SMAD1: variants seen among roughly 807,000 people sequenced by gnomAD.
The protein encoded by SMAD1 is MAD, mothers against decapentaplegic homolog 1.
SMAD1 carries 6 observed loss-of-function variants against 41.6 expected under a neutral mutation model. The ratio of observed to expected loss-of-function variants is 0.14; its 90% CI spans 0.08 to 0.28. The LOEUF (loss-of-function observed/expected upper bound fraction) is 0.28, where lower values mean the gene tolerates loss of function less well. Ranked by LOEUF, SMAD1 falls within the 10% of genes least tolerant of loss-of-function variation. The pLI is 1.00. For missense variants in SMAD1, 379 were observed against 582.6 expected (o/e 0.65, Z 3.60); for synonymous variants, 206 against 203.2 (o/e 1.01, Z -0.12).
intron 5 of SMAD1, among the ~76,000 whole-genome samples, chr4:145,547,897 C>T (rs1176927480): frequency 8.1e-6 from 1 of 123,132 alleles, no homozygotes; most frequent in Admixed American, 7.4e-5. Context: ...AGTTTCTGAT[C>T]TGCCTGCTGA....
chr4:145,536,667 C>G (rs946922200), intron 2 of SMAD1, among the ~76,000 whole-genome samples: 3 of 152,120 alleles, frequency 2.0e-5, no homozygotes, highest in African/African-American at 7.2e-5. Flanking sequence ...AAATTCAGTT[C>G]ACAACCATTA....
Position 145,514,553 on chromosome 4 carries a change from T to G in SMAD1, c.-61T>G, listed in dbSNP as rs938117605. 6.9e-6 allele frequency: 10 copies of G among 1,438,932 alleles called. No individual in the cohort carries two copies. In the African/African-American group the frequency reaches 1.3e-4, roughly 18 times the overall value. The allele number at this position is 1,438,932 out of a possible 1,614,324, so 89.1% of individuals were successfully genotyped here. On this transcript the variant is annotated 5_prime_UTR_variant, in exon 2 of 7. Transcript: ENST00000302085. The surrounding 1 kb of genome is among the most constrained non-coding windows in gnomAD (Gnocchi z 4.7). ...AATAAACAAATCTCTTCTGCTGTCC[T>G]TTTGCATTTGGAGACAGCTTTATTT...
intron 1 of SMAD1, among the ~76,000 whole-genome samples, chr4:145,486,168 C>T (rs895379467): frequency 6.6e-6 from 1 of 152,174 alleles, no homozygotes; most frequent in Non-Finnish European, 1.5e-5. Flanking sequence ...GGGCTATCTT[C>T]TGTCGTTCTT....
chr4:145,485,481 A>G (rs1006289864), intron 1 of SMAD1, among the ~76,000 whole-genome samples: 1 of 152,184 alleles, frequency 6.6e-6, no homozygotes, highest in African/African-American at 2.4e-5. Context: ...TGGCTGCCAT[A>G]CTGGACAGCG....
At chr4:145,533,641 G>A (rs1378271365) in intron 2 of SMAD1, among the ~76,000 whole-genome samples, 1 of 152,204 alleles carries the variant, frequency 6.6e-6, no homozygotes, top group African/African-American at 2.4e-5. Flanking sequence ...CTGTGATCAT[G>A]CCTGTGAATA....
chr4:145,494,591 A>G (rs1395584977), intron 1 of SMAD1, among the ~76,000 whole-genome samples: 1 of 152,200 alleles, frequency 6.6e-6, no homozygotes, highest in Non-Finnish European at 1.5e-5. Context: ...AACAGCTACC[A>G]CCACAAAGAT....
At chr4:145,506,387 T>C (rs1432348761) in intron 1 of SMAD1, among the ~76,000 whole-genome samples, 3 of 152,204 alleles carry the variant, frequency 2.0e-5, no homozygotes, top group Non-Finnish European at 2.9e-5. Context: ...GTTATTTGCC[T>C]TTCTTAAAGT....
chr4:145,532,500 A>T (rs1731371848), intron 2 of SMAD1, among the ~76,000 whole-genome samples: 1 of 152,238 alleles, frequency 6.6e-6, no homozygotes, highest in South Asian at 2.1e-4. Flanking sequence ...TAGAGCTCCT[A>T]GGATACAAGA....
intron 2 of SMAD1, among the ~76,000 whole-genome samples, chr4:145,528,102 CAT>C (rs1219720736): frequency 1.3e-5 from 2 of 149,722 alleles, no homozygotes; most frequent in African/African-American, 5.0e-5. Flanking sequence ...CATACACACA[CAT>C]ATATTTTTTT....
At position 145,539,916 on chromosome 4, in the gene SMAD1, T is replaced by G. The variant is rs754143851; in HGVS notation, c.513T>G (p.Thr171=). Residue 171 remains threonine (T), a synonymous_variant, in exon 3 of 7, where the codon ACT becomes ACG. Transcript: ENST00000302085. ...QNEPHMPLNA[T]FPDSFQQPNS... Reference sequence around the variant, plus strand: ...AGCCTCACATGCCACTCAACGCCACTTTTCCAGATTCTTTCCAGCAACCCA... The same window carrying G: ...AGCCTCACATGCCACTCAACGCCACGTTTCCAGATTCTTTCCAGCAACCCA... 2.2e-5 allele frequency: 35 copies of G among 1,613,928 alleles called. No individual in the cohort carries two copies. The highest frequency in any genetic ancestry group is 2.6e-5 in the Non-Finnish European group (31 of 1,179,988).
intron 1 of SMAD1, among the ~76,000 whole-genome samples, chr4:145,507,808 G>A (rs1329796445): frequency 1.3e-5 from 2 of 152,034 alleles, no homozygotes; most frequent in Non-Finnish European, 2.9e-5. Context: ...AAGGCAGGAA[G>A]TACAAAAAGG....
At chr4:145,507,562 T>C (rs1729858672) in intron 1 of SMAD1, among the ~76,000 whole-genome samples, 1 of 152,086 alleles carries the variant, frequency 6.6e-6, no homozygotes, top group African/African-American at 2.4e-5. Flanking sequence ...AAAAACAATT[T>C]TCCCTTTCTG....
intron 2 of SMAD1, among the ~76,000 whole-genome samples, chr4:145,528,266 G>A (rs1392442179): frequency 6.6e-6 from 1 of 152,034 alleles, no homozygotes; most frequent in Non-Finnish European, 1.5e-5. Flanking sequence ...ACTACACCCA[G>A]CTAAATTTTT....
chr4:145,493,812 T>A (rs772073889), intron 1 of SMAD1, among the ~76,000 whole-genome samples: 34 of 152,224 alleles, frequency 2.2e-4, no homozygotes, highest in Non-Finnish European at 4.3e-4. Context: ...AAACTGTAAG[T>A]CATTTTCTGC....
At chr4:145,519,816 G>A (rs1233494168) in intron 2 of SMAD1, among the ~76,000 whole-genome samples, 1 of 152,062 alleles carries the variant, frequency 6.6e-6, no homozygotes, top group East Asian at 1.9e-4. Flanking sequence ...CCTCCCTGCA[G>A]CCCCTGATAA....
At chr4:145,529,632 C>G (rs1334722014) in intron 2 of SMAD1, among the ~76,000 whole-genome samples, 2 of 152,186 alleles carry the variant, frequency 1.3e-5, no homozygotes, top group East Asian at 1.9e-4. Flanking sequence ...GCCATGCCAG[C>G]CTTTTCCATG....
In SMAD1 at chr4:145,554,423, A is replaced by T. The variant is rs188207480; in HGVS notation, c.1254+383A>T. Among the ~76,000 whole-genome samples, 109 of 151,992 alleles carry T rather than the reference A, an allele frequency of 7.2e-4. No homozygotes were observed. In the East Asian group the frequency reaches 8.7e-3, roughly 12 times the overall value. ...TTCCTTTTCATTCTTTGTTTTTTGT[A>T]CTTTTATGATGGTAATGCTTGTTTT... On this transcript the variant is annotated intron_variant, in intron 6 of 6. Coordinates refer to ENST00000302085, the MANE Select transcript of SMAD1 (RefSeq NM_005900.3).
chr4:145,511,440 T>C (rs562186708), intron 1 of SMAD1, among the ~76,000 whole-genome samples: 4 of 152,294 alleles, frequency 2.6e-5, no homozygotes, highest in Admixed American at 6.5e-5. Context: ...GCTGGACTAC[T>C]TTTTTACTTT....
At chr4:145,508,742 T>C (rs1356456376) in intron 1 of SMAD1, among the ~76,000 whole-genome samples, 1 of 152,206 alleles carries the variant, frequency 6.6e-6, no homozygotes, top group African/African-American at 2.4e-5. Flanking sequence ...GAGTGGCTTA[T>C]AAACAACAGA....
Sources: allele counts gnomAD v4.1 joint callset (sites outside exome capture counted in the v4.1 genomes callset), GRCh38; gene constraint gnomAD v4.1.1; non-coding constraint Gnocchi (gnomAD v3.1); transcripts MANE v1.5; gene names NCBI Gene and HGNC (gene_info 2026-07-23, HGNC 2026-07-21).